Variants in LOXL1 observed in about 807,000 individuals in gnomAD.
The protein encoded by LOXL1 is lysyl oxidase homolog 1.
In LOXL1, 31 loss-of-function variants were observed where a neutral mutation model predicts 62.2. The observed-to-expected ratio is 0.50, with a 90% CI of 0.37 to 0.67. The LOEUF is 0.67. Among genes scored for constraint, LOXL1 ranks in the 30% least tolerant of loss-of-function variants. The probability of loss-of-function intolerance (pLI) is 0.00; values close to 1 mark genes in which losing one functional copy is unlikely to be tolerated. For missense variants in LOXL1, 775 were observed against 843.4 expected (o/e 0.92, Z 1.00); for synonymous variants, 403 against 384.4 (o/e 1.05, Z -0.56).
chr15:73,949,654 G>A, intron 6 of LOXL1, 80 bp downstream of exon 6: 1 of 922,666 alleles, frequency 1.1e-6, no homozygotes, highest in South Asian at 1.3e-5. Context: ...AGATACCTAA[G>A]ATACCTGCAC....
chr15:73,942,943 G>A lies in LOXL1; in HGVS notation c.1192G>A (p.Glu398Lys), dbSNP rs752785626. Residue 398 changes from glutamate to lysine, a missense_variant, in exon 2 of 7, where the codon GAG becomes AAG. Glu to Lys is a moderately conservative substitution (Grantham distance 56). Transcript: ENST00000261921. ...AHLYSLRCAA[E>K]EKCLASTAYA... ...CCTGTACTCCCTGCGCTGTGCTGCG[G>A]AGGAGAAGTGTCTGGCCAGGTAAGG... 6.2e-7 allele frequency: 1 copy of A among 1,613,714 alleles called. No homozygotes were observed. The highest frequency in any genetic ancestry group is 8.5e-7 in the Non-Finnish European group (1 of 1,179,648).
chr15:73,939,928 T>C (rs987315143), intron 1 of LOXL1, among the ~76,000 whole-genome samples: 2 of 152,120 alleles, frequency 1.3e-5, no homozygotes, highest in African/African-American at 4.8e-5. Flanking sequence ...CCTTGGTGTC[T>C]TGGGGGCAGG....
At position 73,930,327 on chromosome 15, in the gene LOXL1, TC is replaced by T. The variant is rs901899531; in HGVS notation, c.1102+2446del. Among the ~76,000 whole-genome samples, 1 of 152,130 alleles carries T rather than the reference TC, an allele frequency of 6.6e-6. No individual in the cohort carries two copies. Among genetic ancestry groups the T allele is most frequent in the African/African-American group, 2.4e-5 (1 of 41,436 alleles). ...TCATCAGCACCATCCAGGTGCCCCT[TC>T]CCCTAATCATTGAGGGTGTGGGGTG... On this transcript the variant is annotated intron_variant, in intron 1 of 6. Coordinates refer to ENST00000261921, the MANE Select transcript of LOXL1 (RefSeq NM_005576.4). The surrounding 1 kb of genome is among the most constrained non-coding windows in gnomAD (Gnocchi z 4.7).
chr15:73,938,315 C>CTATCTATCTAGATAGA (rs748345626), intron 1 of LOXL1, among the ~76,000 whole-genome samples: 12 of 140,204 alleles, frequency 8.6e-5, no homozygotes, highest in Admixed American at 2.1e-4. Flanking sequence ...ATCTATCTAT[C>CTATCTATCTAGATAGA]TAGGTAGATA....
At chr15:73,947,990 C>A in intron 5 of LOXL1, 88 bp downstream of exon 5, 1 of 963,596 alleles carries the variant, frequency 1.0e-6, no homozygotes, top group Non-Finnish European at 1.6e-6. Flanking sequence ...AGCCTCTGGG[C>A]CTGTTCCCTT....
intron 1 of LOXL1, among the ~76,000 whole-genome samples, chr15:73,936,714 G>A (rs958460324): frequency 4.6e-5 from 7 of 152,232 alleles, no homozygotes; most frequent in African/African-American, 1.2e-4. Context: ...GTGTGGACGA[G>A]CAATGGGAAG....
Position 73,926,788 on chromosome 15 carries a change from C to T in LOXL1, c.5C>T (p.Ala2Val). 1 of 1,446,048 alleles carries T rather than the reference C, an allele frequency of 6.9e-7. No individual in the cohort carries two copies. The highest frequency in any genetic ancestry group is 1.5e-5 in the South Asian group (1 of 68,832). The allele number at this position is 1,446,048 out of a possible 1,614,324, so 89.6% of individuals were successfully genotyped here. ...GGCCTCTGCAGAGGGGTCACCATGG[C>T]TCTGGCCCGAGGCAGCCGGCAGCTG... M[A>V]LARGSRQLGA... The change falls in exon 1 of 7, where the codon GCT becomes GTT. Residue 2 changes from alanine to valine, a missense_variant. By Grantham distance (64) the Ala-to-Val change is moderately conservative. Transcript: ENST00000261921.
Position 73,933,895 on chromosome 15 carries a change from C to T in LOXL1, c.1102+6010C>T, listed in dbSNP as rs1437686495. Among the ~76,000 whole-genome samples the T allele has an allele frequency of 1.3e-5, 2 of 152,270 alleles. 1 individual carries two copies. Among genetic ancestry groups the T allele is most frequent in the African/African-American group, 4.8e-5 (2 of 41,472 alleles). On this transcript the variant is annotated intron_variant, in intron 1 of 6. Coordinates refer to ENST00000261921, the MANE Select transcript of LOXL1 (RefSeq NM_005576.4). ...TGGCCCTGACCTAGCCGCCTCATTT[C>T]CACAGGCAGCTGGACCAAGGGCCTT...
intron 5 of LOXL1, among the ~76,000 whole-genome samples, chr15:73,948,302 G>A (rs2068761671): frequency 6.6e-6 from 1 of 152,180 alleles, no homozygotes; most frequent in Non-Finnish European, 1.5e-5. Context: ...AGGGACCCCT[G>A]CAAAGCCAAG....
Position 73,947,857 on chromosome 15 carries a change from G to A in LOXL1, c.1557G>A (p.Gln519=). The change falls in exon 5 of 7, where the codon CAG becomes CAA. Residue 519 remains glutamine, a synonymous_variant. Transcript: ENST00000261921. ...YDTYNADIDC[Q]WIDITDVQPG... Reference sequence around the variant, plus strand: ...CCTACAATGCGGACATCGACTGCCAGTGGATCGACATAACCGACGTGCAGC... The same window carrying A: ...CCTACAATGCGGACATCGACTGCCAATGGATCGACATAACCGACGTGCAGC... 2.5e-6 allele frequency: 4 copies of A among 1,614,002 alleles called. No individual in the cohort carries two copies. The highest frequency in any genetic ancestry group is 3.4e-6 in the Non-Finnish European group (4 of 1,179,904).
In LOXL1 at chr15:73,927,875, G is replaced by A; in HGVS notation, c.1092G>A (p.Gln364=). 1.5e-6 allele frequency: 2 copies of A among 1,321,624 alleles called. No homozygotes were observed. Among genetic ancestry groups the A allele is most frequent in the African/African-American group, 1.5e-5 (1 of 64,918 alleles). The allele number at this position is 1,321,624 out of a possible 1,614,324, so 81.9% of individuals were successfully genotyped here. A position where few individuals can be genotyped will look rare whatever the true frequency, so the allele number is the denominator to read the frequency against. Residue 364 remains glutamine (Q), a synonymous_variant, in exon 1 of 7, where the codon CAG becomes CAA. Transcript: ENST00000261921. Reference sequence around the variant, plus strand: ...TGGGCAGCGTGTACCGGCCCAACCAGAACGGCCGCGGTGAGTACGGCCCCG... The same window carrying A: ...TGGGCAGCGTGTACCGGCCCAACCAAAACGGCCGCGGTGAGTACGGCCCCG... The part of the protein sequence containing the change: ...LSVGSVYRPN[Q]NGRGLPDLVP...
At position 73,926,530 on chromosome 15, in the gene LOXL1, G is replaced by A; in HGVS notation, c.-254G>A. The stretch of plus-strand genomic sequence containing the variant: ...GGCTGGCCATGTAAGGCCCACAGGC[G>A]GTCCTGCCCGCCCGGTGCCCTGCGG... On this transcript the variant is annotated 5_prime_UTR_variant, in exon 1 of 7. Coordinates refer to ENST00000261921, the MANE Select transcript of LOXL1 (RefSeq NM_005576.4). 2 of 384,834 alleles carry A rather than the reference G, an allele frequency of 5.2e-6. No individual in the cohort carries two copies. Among genetic ancestry groups the A allele is most frequent in the Non-Finnish European group, 9.2e-6 (2 of 218,048 alleles). 23.8% of individuals were successfully genotyped at this position (384,834 alleles called of 1,614,324 possible). A position where few individuals can be genotyped will look rare whatever the true frequency, so the allele number is the denominator to read the frequency against.
chr15:73,937,540 C>G (rs1044483076), intron 1 of LOXL1, among the ~76,000 whole-genome samples: 2 of 152,236 alleles, frequency 1.3e-5, no homozygotes, highest in African/African-American at 2.4e-5. Flanking sequence ...CCATCCTGGC[C>G]CAGGCTCTGT....
chr15:73,938,058 G>T (rs565623088), intron 1 of LOXL1, among the ~76,000 whole-genome samples: 1 of 152,192 alleles, frequency 6.6e-6, no homozygotes, highest in South Asian at 2.1e-4. Flanking sequence ...AGGCCAAGGC[G>T]GGTGGAACAC....
At chr15:73,951,639 G>T (rs764412284) in intron 6 of LOXL1, among the ~76,000 whole-genome samples, 192 bp from the exon 7 acceptor site, 5 of 152,216 alleles carry the variant, frequency 3.3e-5, no homozygotes, top group Non-Finnish European at 7.3e-5. Context: ...TGTGCCCTGG[G>T]TGGGTGGGAG....
In LOXL1 at chr15:73,942,892, G is replaced by A; in HGVS notation, c.1141G>A (p.Ala381Thr). 6.2e-7 allele frequency: 1 copy of A among 1,614,048 alleles called. No individual in the cohort carries two copies. The highest frequency in any genetic ancestry group is 8.5e-7 in the Non-Finnish European group (1 of 1,179,928). ...GGTCCCAGACCCCAACTATGTGCAA[G>A]CATCCACTTATGTGCAGAGAGCCCA... ...DLVPDPNYVQ[A>T]STYVQRAHLY... Residue 381 changes from alanine to threonine, a missense_variant, in exon 2 of 7, where the codon GCA becomes ACA. Transcript: ENST00000261921.
At position 73,927,076 on chromosome 15, in the gene LOXL1, C is replaced by G. The variant is rs1336509936; in HGVS notation, c.293C>G (p.Pro98Arg). ...SHGSPRRRQAPSLPLPGRVGS... is the reference protein window; with the variant it reads ...SHGSPRRRQARSLPLPGRVGS... The stretch of plus-strand genomic sequence containing the variant: ...GGGAGCCCCCGGCGTCGGCAGGCGC[C>G]GTCCCTGCCCCTGCCGGGGCGCGTG... Residue 98 changes from proline to arginine, a missense_variant, in exon 1 of 7, where the codon CCG becomes CGG. Physicochemically the swap from Pro to Arg is moderately radical, Grantham distance 103. Transcript: ENST00000261921. The G allele has an allele frequency of 7.7e-7, 1 of 1,292,150 alleles. No homozygotes were observed. The highest frequency in any genetic ancestry group is 9.8e-7 in the Non-Finnish European group (1 of 1,015,528). The allele number at this position is 1,292,150 out of a possible 1,614,324, so 80.0% of individuals were successfully genotyped here.
rs535078529 is a variant in LOXL1 at position 73,926,867 on chromosome 15, G to A, written c.84G>A (p.Ala28=). ...CLCVLVHGQQ[A]QPGQGSDPAR... ...GCGTGCTGGTGCACGGGCAGCAGGC[G>A]CAGCCCGGGCAGGGCTCGGACCCCG... Residue 28 remains alanine (A), a synonymous_variant, in exon 1 of 7, where the codon GCG becomes GCA. Coordinates refer to ENST00000261921, the MANE Select transcript of LOXL1 (RefSeq NM_005576.4). The A allele has an allele frequency of 5.2e-6, 8 of 1,551,458 alleles. No homozygotes were observed. The highest frequency in any genetic ancestry group is 2.0e-5 in the Admixed American group (1 of 50,864).
rs1219892757 is a variant in LOXL1 at position 73,927,321 on chromosome 15, C to A, written c.538C>A (p.Pro180Thr). The change falls in exon 1 of 7, where the codon CCG becomes ACG. Residue 180 changes from proline to threonine, a missense_variant. Coordinates refer to ENST00000261921, the MANE Select transcript of LOXL1 (RefSeq NM_005576.4). ...CTCCTACCCGCAGCAGTTCCCCTAC[C>A]CGCAGGCGCCCTTCGTCAGCCAGTA... ...QPSYPQQFPY[P>T]QAPFVSQYEN... The A allele has an allele frequency of 5.0e-6, 8 of 1,603,600 alleles. No homozygotes were observed. The highest frequency in any genetic ancestry group is 1.7e-4 in the Middle Eastern group (1 of 6,056).
Sources: allele counts gnomAD v4.1 joint callset (sites outside exome capture counted in the v4.1 genomes callset), GRCh38; gene constraint gnomAD v4.1.1; non-coding constraint Gnocchi (gnomAD v3.1); transcripts MANE v1.5; gene names NCBI Gene and HGNC (gene_info 2026-07-23, HGNC 2026-07-21).